The following NDUFAF2 variants were observed in gnomAD, a reference collection of about 807,000 sequenced individuals.
NDUFAF2 encodes the protein NADH:ubiquinone oxidoreductase complex assembly factor 2.
In NDUFAF2, 13 loss-of-function variants were observed where a neutral mutation model predicts 22.8. That is an observed-to-expected ratio of 0.57 (90% CI 0.37 to 0.91). The LOEUF is 0.91. Among genes scored for constraint, NDUFAF2 ranks in the 40% least tolerant of loss-of-function variants. NDUFAF2 has a pLI of 0.01. For synonymous variants in NDUFAF2, 53 were observed against 64.2 expected (o/e 0.83, Z 0.84); for missense variants, 162 against 195.2 (o/e 0.83, Z 1.01).
chr5:61,073,762 G>C (rs1475902662), intron 2 of NDUFAF2, among the ~76,000 whole-genome samples: 2 of 152,106 alleles, frequency 1.3e-5, no homozygotes, highest in African/African-American at 4.8e-5. Context: ...AAGATCAAAG[G>C]GAGACAAACA....
chr5:61,062,127 A>G (rs1198850315), intron 1 of NDUFAF2, among the ~76,000 whole-genome samples: 1 of 152,204 alleles, frequency 6.6e-6, no homozygotes, highest in East Asian at 1.9e-4. Context: ...GTGCAGATAT[A>G]TCAACACAGA....
intron 1 of NDUFAF2, among the ~76,000 whole-genome samples, chr5:61,020,372 T>C (rs984748960): frequency 1.3e-5 from 2 of 152,300 alleles, no homozygotes; most frequent in African/African-American, 4.8e-5. Flanking sequence ...GTTTTTAGTT[T>C]CTTTGTTTTC....
intron 3 of NDUFAF2, among the ~76,000 whole-genome samples, chr5:61,129,362 A>G (rs1016572197): frequency 1.8e-4 from 28 of 152,336 alleles, no homozygotes; most frequent in East Asian, 1.2e-3. Flanking sequence ...TTGCAGCACT[A>G]TTCACAATAA....
chr5:60,947,934 T>C (rs191092827), intron 1 of NDUFAF2, among the ~76,000 whole-genome samples: 47 of 152,296 alleles, frequency 3.1e-4, no homozygotes, highest in African/African-American at 1.1e-3. Flanking sequence ...CTCACTAATT[T>C]GTATATTTTC....
At chr5:61,148,492 A>T (rs1741173106) in intron 3 of NDUFAF2, among the ~76,000 whole-genome samples, 1 of 152,226 alleles carries the variant, frequency 6.6e-6, no homozygotes, top group Non-Finnish European at 1.5e-5. Context: ...TTTTAATAGA[A>T]TGAAATCACT....
intron 1 of NDUFAF2, among the ~76,000 whole-genome samples, chr5:60,958,014 C>T (rs158923): frequency 0.64 from 96,651 of 152,046 alleles, 31,160 homozygotes; most frequent in East Asian, 0.94. Context: ...TAGCCTTGCT[C>T]CTCCAATTTT....
At chr5:61,119,998 T>A (rs148669336) in intron 3 of NDUFAF2, among the ~76,000 whole-genome samples, 2 of 152,306 alleles carry the variant, frequency 1.3e-5, no homozygotes, top group East Asian at 3.9e-4. Flanking sequence ...CAACTCTTAA[T>A]TTTAGCAAGT....
At position 61,007,860 on chromosome 5, in the gene NDUFAF2, T is replaced by C. The variant is rs544185092; in HGVS notation, c.127+62478T>C. ...ATAAAGACACATGCACACGTATGTT[T>C]ATTGCGGCACTATTCACAATAGCAA... On this transcript the variant is annotated intron_variant, in intron 1 of 3. Coordinates refer to ENST00000296597, the MANE Select transcript of NDUFAF2 (RefSeq NM_174889.5). Among the ~76,000 whole-genome samples the C allele has an allele frequency of 1.5e-3, 236 of 152,266 alleles. 1 individual carries two copies. Among genetic ancestry groups the C allele is most frequent in the African/African-American group, 5.5e-3 (229 of 41,546 alleles).
At chr5:61,123,239 A>G (rs1752997015) in intron 3 of NDUFAF2, among the ~76,000 whole-genome samples, 1 of 152,218 alleles carries the variant, frequency 6.6e-6, no homozygotes. Flanking sequence ...TCTAACAGAT[A>G]TGAACTCAAA....
intron 1 of NDUFAF2, among the ~76,000 whole-genome samples, chr5:61,056,919 A>AAAAAATATATAT (rs1752105032): frequency 1.4e-4 from 4 of 28,774 alleles, no homozygotes; most frequent in Non-Finnish European, 1.7e-4. Context: ...AAAAAAAAAA[A>AAAAAATATATAT]ATATATATAT....
At chr5:60,946,364 T>C (rs1316411865) in intron 1 of NDUFAF2, among the ~76,000 whole-genome samples, 1 of 152,216 alleles carries the variant, frequency 6.6e-6, no homozygotes, top group Non-Finnish European at 1.5e-5. Flanking sequence ...CTTTCCAAGA[T>C]TATGTGCCAT....
chr5:60,999,017 A>G (rs1365679390), intron 1 of NDUFAF2, among the ~76,000 whole-genome samples: 1 of 152,006 alleles, frequency 6.6e-6, no homozygotes, highest in Non-Finnish European at 1.5e-5. Context: ...AATGTTTTCA[A>G]TGTAGTAGAT....
chr5:61,081,550 G>A (rs1020153890), intron 2 of NDUFAF2, among the ~76,000 whole-genome samples: 6 of 152,106 alleles, frequency 3.9e-5, no homozygotes, highest in African/African-American at 1.4e-4. Flanking sequence ...ACTGAAGAAC[G>A]TCACCTTGGG....
chr5:61,075,933 C>T (rs1037936064), intron 2 of NDUFAF2, among the ~76,000 whole-genome samples: 2 of 152,076 alleles, frequency 1.3e-5, no homozygotes, highest in Non-Finnish European at 2.9e-5. Flanking sequence ...TATTAAGGAC[C>T]TCTACATTCA....
intron 1 of NDUFAF2, among the ~76,000 whole-genome samples, chr5:60,993,448 A>G (rs1160718284): frequency 6.6e-6 from 1 of 152,138 alleles, no homozygotes; most frequent in African/African-American, 2.4e-5. Flanking sequence ...GCAGGTCCCA[A>G]GTTCTCCTGA....
intron 1 of NDUFAF2, among the ~76,000 whole-genome samples, chr5:60,995,486 C>G (rs1461844249): frequency 6.6e-6 from 1 of 152,194 alleles, no homozygotes; most frequent in Non-Finnish European, 1.5e-5. Context: ...TCTAGATTAC[C>G]AGGCAGAGAC....
intron 3 of NDUFAF2, among the ~76,000 whole-genome samples, chr5:61,136,039 ATATC>A (rs1740932211): frequency 1.9e-5 from 2 of 103,390 alleles, no homozygotes; most frequent in African/African-American, 7.5e-5. Context: ...ATATATATAT[ATATC>A]TAGGGTGGAT....
chr5:61,066,537 G>A (rs1752230302), intron 1 of NDUFAF2, among the ~76,000 whole-genome samples: 1 of 151,922 alleles, frequency 6.6e-6, no homozygotes, highest in Non-Finnish European at 1.5e-5. Context: ...TAGGCACATA[G>A]ATCAGTGGAA....
At chr5:61,003,553 GA>G (rs1366952903) in intron 1 of NDUFAF2, among the ~76,000 whole-genome samples, 1 of 150,264 alleles carries the variant, frequency 6.7e-6, no homozygotes, top group African/African-American at 2.5e-5. Context: ...TCCCCTATGT[GA>G]AATGTAAATA....
Sources: allele counts gnomAD v4.1 joint callset (sites outside exome capture counted in the v4.1 genomes callset), GRCh38; gene constraint gnomAD v4.1.1; transcripts MANE v1.5; gene names NCBI Gene and HGNC (gene_info 2026-07-23, HGNC 2026-07-21).